Variants in GABPB1 observed in about 807,000 individuals in gnomAD.
The protein encoded by GABPB1 is GA-binding protein subunit beta-1.
A neutral mutation model predicts 45.9 loss-of-function variants in GABPB1; 15 were observed. That is an observed-to-expected ratio of 0.33 (90% CI 0.22 to 0.50). The LOEUF (loss-of-function observed/expected upper bound fraction) is 0.50, where lower values mean the gene tolerates loss of function less well. Ranked by LOEUF, GABPB1 falls within the 20% of genes least tolerant of loss-of-function variation. The pLI is 0.98. For missense variants in GABPB1, 252 were observed against 457.5 expected (o/e 0.55, Z 4.10); for synonymous variants, 143 against 154.4 (o/e 0.93, Z 0.55).
chr15:50,321,327 C>A (rs894749815), intron 1 of GABPB1, among the ~76,000 whole-genome samples: 13 of 152,128 alleles, frequency 8.5e-5, no homozygotes, highest in Non-Finnish European at 2.9e-5. Flanking sequence ...GGTCTCCACT[C>A]CCCACAGAGA....
intron 1 of GABPB1, among the ~76,000 whole-genome samples, chr15:50,316,027 C>A (rs974081312): frequency 6.6e-6 from 1 of 152,186 alleles, no homozygotes; most frequent in African/African-American, 2.4e-5. Flanking sequence ...TGCTCCACTG[C>A]ACTCCAGCCT....
intron 1 of GABPB1, among the ~76,000 whole-genome samples, chr15:50,342,158 C>T (rs2048397046): frequency 6.6e-6 from 1 of 152,188 alleles, no homozygotes; most frequent in Non-Finnish European, 1.5e-5. Context: ...TTACCTCCTC[C>T]GATAAGTTTC....
At chr15:50,326,467 G>A (rs2047767546) in intron 1 of GABPB1, among the ~76,000 whole-genome samples, 2 of 151,844 alleles carry the variant, frequency 1.3e-5, no homozygotes, top group African/African-American at 2.4e-5. Context: ...AGACCAGCCT[G>A]GCCAACATGG....
At chr15:50,316,603 C>T (rs1350320402) in intron 1 of GABPB1, among the ~76,000 whole-genome samples, 1 of 111,884 alleles carries the variant, frequency 8.9e-6, no homozygotes, top group Non-Finnish European at 2.2e-5. Flanking sequence ...CACACACATC[C>T]CTACACACAC....
chr15:50,302,949 C>A lies in GABPB1; in HGVS notation c.451G>T (p.Asp151Tyr). 1 of 1,612,214 alleles carries A rather than the reference C, an allele frequency of 6.2e-7. No homozygotes were observed. The change falls in exon 4 of 9, where the codon GAT becomes TAT. Residue 151 changes from aspartate to tyrosine, a missense_variant. By Grantham distance (160) the Asp-to-Tyr change is radical (BLOSUM62 -3). Transcript: ENST00000380877. ...GTTACCTGTAATATCTCTGCTAAATCTTCATTTCCATTGTCTATTGAAATA... is the reference window on the plus strand; with the variant it reads ...GTTACCTGTAATATCTCTGCTAAATATTCATTTCCATTGTCTATTGAAATA... ...FDISIDNGNE[D>Y]LAEILQIAMQ...
chr15:50,300,805 A>T lies in GABPB1; in HGVS notation c.681T>A (p.Asn227Lys). ...TTTTCTAACCTGGAGTTTCTGAAGA[A>T]TTGGACAATGGAGCAGATGCTTCAG... ...ALAEASAPLSNSSETPVVATE... is the reference protein window; with the variant it reads ...ALAEASAPLSKSSETPVVATE... Residue 227 changes from asparagine (N) to lysine (K), a missense_variant, in exon 6 of 9, where the codon AAT becomes AAA. Physicochemically the swap from Asn to Lys is moderately conservative, Grantham distance 94. This residue lies in a region of GABPB1 where 193 missense variants were observed against 259.9 expected (regional missense o/e 0.74). Transcript: ENST00000380877. 4 of 1,608,026 alleles carry T rather than the reference A, an allele frequency of 2.5e-6. No homozygotes were observed. The highest frequency in any genetic ancestry group is 3.4e-6 in the Non-Finnish European group (4 of 1,174,482).
chr15:50,311,051 C>T lies in GABPB1; in HGVS notation c.1-1253G>A, dbSNP rs545308092. 7.3e-5 allele frequency among the ~76,000 whole-genome samples: 11 copies of T among 151,296 alleles called. No individual in the cohort carries two copies. The South Asian group carries it at 2.3e-3, about 32-fold the overall frequency. ...ATATCTGAAAAGGCTAATGTCCCAG[C>T]CTGGGATGTGAGGTGTGCATGGGTG... is the stretch of plus-strand genomic sequence containing the variant. On this transcript the variant is annotated intron_variant, in intron 1 of 8. Transcript: ENST00000380877.
At chr15:50,299,579 A>G (rs2046651979) in intron 6 of GABPB1, among the ~76,000 whole-genome samples, 1 of 151,908 alleles carries the variant, frequency 6.6e-6, no homozygotes, top group African/African-American at 2.4e-5. Context: ...TTGTATTTTT[A>G]GCAGAGACGG....
intron 2 of GABPB1, among the ~76,000 whole-genome samples, chr15:50,306,571 G>A (rs1278344740): frequency 6.7e-6 from 1 of 149,892 alleles, no homozygotes; most frequent in Non-Finnish European, 1.5e-5. Flanking sequence ...AGGCTTCAGT[G>A]AGCCAAGATC....
intron 1 of GABPB1, among the ~76,000 whole-genome samples, chr15:50,339,515 AC>A (rs147464611): frequency 0.018 from 2,776 of 151,788 alleles, 76 homozygotes; most frequent in African/African-American, 0.064. Flanking sequence ...AAAAAAAAAA[AC>A]TTCTTGAAAC....
Position 50,304,144 on chromosome 15 carries a change from G to GAAAA in GABPB1, c.109-15_109-12dup. ...TGGAGAAGTTCCCAGCTGTACCACA[G>GAAAA]AAAAAAAAAAAAATCCACATTTACA... On this transcript the variant is annotated splice_polypyrimidine_tract_variant and intron_variant, in intron 2 of 8. Coordinates refer to ENST00000380877, the MANE Select transcript of GABPB1 (RefSeq NM_016654.5). 2 of 1,206,580 alleles carry GAAAA rather than the reference G, an allele frequency of 1.7e-6. No homozygotes were observed. The highest frequency in any genetic ancestry group is 2.9e-5 in the East Asian group (1 of 34,022). The allele number at this position is 1,206,580 out of a possible 1,614,324, so 74.7% of individuals were successfully genotyped here.
intron 6 of GABPB1, among the ~76,000 whole-genome samples, chr15:50,292,727 G>T (rs980545853): frequency 6.6e-6 from 1 of 152,046 alleles, no homozygotes; most frequent in African/African-American, 2.4e-5. Context: ...AAATAAAATG[G>T]AGCTGTGGAT....
Position 50,276,246 on chromosome 15 carries a change from GTTCTTTAAA to G in GABPB1, c.*2377_*2385del, listed in dbSNP as rs2045837584. 6.6e-6 allele frequency: 1 copy of G among 152,180 alleles called. No individual in the cohort carries two copies. Among genetic ancestry groups the G allele is most frequent in the South Asian group, 2.1e-4 (1 of 4,834 alleles). 9.4% of individuals were successfully genotyped at this position (152,180 alleles called of 1,614,324 possible). A position where few individuals can be genotyped will look rare whatever the true frequency, so the allele number is the denominator to read the frequency against. On this transcript the variant is annotated 3_prime_UTR_variant, in exon 9 of 9. Transcript: ENST00000380877. ...ATTTCATATACTTTTATTTTTGTCA[GTTCTTTAAA>G]TCCTCTGTTCAGAGCACTATTGAGA...
chr15:50,305,201 A>C (rs2141034164), intron 2 of GABPB1, among the ~76,000 whole-genome samples: 1 of 152,364 alleles, frequency 6.6e-6, no homozygotes, highest in Admixed American at 6.5e-5. Flanking sequence ...TGGACTAAGG[A>C]AATTTACACA....
intron 8 of GABPB1, among the ~76,000 whole-genome samples, chr15:50,282,560 G>GAACAAAAAAAAAAA (rs2046013509): frequency 1.1e-5 from 1 of 88,992 alleles, no homozygotes; most frequent in Non-Finnish European, 2.3e-5. Context: ...CCTTAAAAAA[G>GAACAAAAAAAAAAA]AAAAAAAAAA....
At chr15:50,301,001 G>C in intron 5 of GABPB1, 99 bp from the exon 6 acceptor site, 1 of 840,998 alleles carries the variant, frequency 1.2e-6, no homozygotes, top group Non-Finnish European at 1.9e-6. Flanking sequence ...AACAAAGCTT[G>C]GATAGCATTA....
At chr15:50,309,146 G>C (rs908395588) in intron 2 of GABPB1, among the ~76,000 whole-genome samples, 8 of 152,084 alleles carry the variant, frequency 5.3e-5, no homozygotes, top group Non-Finnish European at 1.2e-4. Flanking sequence ...ATATCCACAA[G>C]ACAATACTTT....
intron 6 of GABPB1, among the ~76,000 whole-genome samples, chr15:50,296,110 T>C (rs2046500479): frequency 6.6e-6 from 1 of 152,158 alleles, no homozygotes; most frequent in South Asian, 2.1e-4. Context: ...CTATCACAAT[T>C]GCCTTCTCTT....
intron 8 of GABPB1, among the ~76,000 whole-genome samples, chr15:50,279,186 C>T (rs953650027): frequency 3.3e-5 from 5 of 152,124 alleles, no homozygotes; most frequent in African/African-American, 1.2e-4. Context: ...AACAATTTTA[C>T]TGAGCACCCA....
Sources: allele counts gnomAD v4.1 joint callset (sites outside exome capture counted in the v4.1 genomes callset), GRCh38; gene constraint gnomAD v4.1.1; regional missense constraint gnomAD v4.1.1; transcripts MANE v1.5; gene names NCBI Gene and HGNC (gene_info 2026-07-23, HGNC 2026-07-21).